DISC1: variants seen among roughly 807,000 people sequenced by gnomAD.
The protein encoded by DISC1 is disrupted in schizophrenia 1 protein.
A neutral mutation model predicts 84.5 loss-of-function variants in DISC1; 57 were observed. That is an observed-to-expected ratio of 0.67 (90% CI 0.55 to 0.84). The LOEUF (loss-of-function observed/expected upper bound fraction) is 0.84. Ranked by LOEUF, DISC1 falls within the 40% of genes least tolerant of loss-of-function variation. DISC1 has a pLI of 0.00. For synonymous variants in DISC1, 411 were observed against 415.2 expected (o/e 0.99, Z 0.12); for missense variants, 1,000 against 1,057.8 (o/e 0.95, Z 0.76).
chr1:231,811,679 GA>G (rs1215578139), intron 8 of DISC1, among the ~76,000 whole-genome samples: 1 of 152,196 alleles, frequency 6.6e-6, no homozygotes, highest in Non-Finnish European at 1.5e-5. Flanking sequence ...TTGGGCAGGT[GA>G]AAGGGACCAT....
chr1:232,033,121 C>T (rs9729194), intron 12 of DISC1, among the ~76,000 whole-genome samples: 35,683 of 152,024 alleles, frequency 0.23, 4,412 homozygotes, highest in African/African-American at 0.28. Flanking sequence ...ATCCAATTCC[C>T]TCCCTCCTCT....
chr1:231,756,154 C>T (rs888969456), intron 4 of DISC1, among the ~76,000 whole-genome samples: 1 of 152,202 alleles, frequency 6.6e-6, no homozygotes, highest in African/African-American at 2.4e-5. Flanking sequence ...TTTCTAGATT[C>T]TATGATCTTG....
chr1:231,724,461 A>G (rs1002401112), intron 3 of DISC1, among the ~76,000 whole-genome samples: 1 of 152,146 alleles, frequency 6.6e-6, no homozygotes, highest in Non-Finnish European at 1.5e-5. Context: ...CCCAAACTTC[A>G]AGGTGATTGT....
intron 1 of DISC1, among the ~76,000 whole-genome samples, chr1:231,662,910 G>GT (rs1264342743): frequency 6.6e-6 from 1 of 152,054 alleles, no homozygotes; most frequent in South Asian, 2.1e-4. Flanking sequence ...CAAAAATACT[G>GT]TAAGATATAA....
At chr1:231,705,035 C>G (rs373389678) in intron 3 of DISC1, among the ~76,000 whole-genome samples, 50 of 151,460 alleles carry the variant, frequency 3.3e-4, no homozygotes, top group African/African-American at 1.1e-3. Context: ...ATAATATGTC[C>G]CTTAAAATAC....
In DISC1 at chr1:231,693,923, G is replaced by T; in HGVS notation, c.165G>T (p.Gly55=). The T allele has an allele frequency of 1.9e-6, 3 of 1,614,204 alleles. No homozygotes were observed. Among genetic ancestry groups the T allele is most frequent in the Non-Finnish European group, 2.5e-6 (3 of 1,180,026 alleles). ...YMRSSTGPGI[G]FLSPAVGTLF... ...GAAGCTCGACAGGGCCTGGGATCGG[G>T]TTCCTTTCCCCAGCAGTGGGCACAC... Residue 55 remains glycine, a synonymous_variant, in exon 2 of 13, where the codon GGG becomes GGT. Coordinates refer to ENST00000439617, the MANE Select transcript of DISC1 (RefSeq NM_018662.3).
intron 10 of DISC1, among the ~76,000 whole-genome samples, chr1:231,961,409 A>C (rs991192819): frequency 3.9e-5 from 6 of 152,018 alleles, no homozygotes; most frequent in Non-Finnish European, 8.8e-5. Flanking sequence ...TTTTAGATTC[A>C]GGGGGTATAT....
intron 9 of DISC1, among the ~76,000 whole-genome samples, chr1:231,941,810 C>T (rs760922941): frequency 6.6e-6 from 1 of 152,034 alleles, no homozygotes; most frequent in African/African-American, 2.4e-5. Context: ...AAATAAAAAA[C>T]AAAAAATATA....
In DISC1 at chr1:231,897,651, C is replaced by T. The variant is rs2087811159; in HGVS notation, c.1982-61177C>T. On this transcript the variant is annotated intron_variant, in intron 9 of 12. Coordinates refer to ENST00000439617, the MANE Select transcript of DISC1 (RefSeq NM_018662.3). The surrounding 1 kb of genome is among the most constrained non-coding windows in gnomAD (Gnocchi z 4.5). ...GTCAGTGCTCTGACACAAAGTTTCC[C>T]ATCTGATTTTGAGCTGGTCACCGTG... 5.9e-5 allele frequency among the ~76,000 whole-genome samples: 9 copies of T among 152,240 alleles called. No homozygotes were observed. In the South Asian group the frequency reaches 1.9e-3, roughly 32 times the overall value.
chr1:231,825,248 C>T (rs2081780319), intron 9 of DISC1, among the ~76,000 whole-genome samples: 1 of 152,132 alleles, frequency 6.6e-6, no homozygotes, highest in African/African-American at 2.4e-5. Flanking sequence ...GGTGGAAATA[C>T]AATGATGTTT....
rs761627224 is a variant in DISC1 at position 231,694,273 on chromosome 1, G to A, written c.515G>A (p.Arg172Gln). The stretch of plus-strand genomic sequence containing the variant: ...TGCAGCGATGGAGCAAGGCGTGTCC[G>A]GGCAGCAGGCTCTCTGCCATCAGCA... ...AACSDGARRVRAAGSLPSAEL... is the reference protein window; with the variant it reads ...AACSDGARRVQAAGSLPSAEL... Residue 172 changes from arginine to glutamine, a missense_variant, in exon 2 of 13, where the codon CGG becomes CAG. Around this residue, in one of 3 missense-constraint regions of DISC1, gnomAD observed 292 missense variants for 280.2 expected, o/e 1.04. Coordinates refer to ENST00000439617, the MANE Select transcript of DISC1 (RefSeq NM_018662.3). The A allele has an allele frequency of 3.1e-5, 50 of 1,614,116 alleles. No homozygotes were observed. Among genetic ancestry groups the A allele is most frequent in the African/African-American group, 6.7e-5 (5 of 74,944 alleles).
chr1:231,645,861 C>T (rs892659438), intron 1 of DISC1, among the ~76,000 whole-genome samples: 4 of 150,484 alleles, frequency 2.7e-5, no homozygotes, highest in Admixed American at 6.6e-5. Flanking sequence ...TTTATGGCTG[C>T]GTAGTATTCC....
At chr1:231,863,217 G>GTTTTTTT (rs2084798953) in intron 9 of DISC1, among the ~76,000 whole-genome samples, 1 of 64,604 alleles carries the variant, frequency 1.5e-5, no homozygotes, top group African/African-American at 5.7e-5. Context: ...TTTATAAAAT[G>GTTTTTTT]TTCTTTTTTT....
chr1:231,707,848 G>A (rs2124975669), intron 3 of DISC1, among the ~76,000 whole-genome samples: 1 of 152,030 alleles, frequency 6.6e-6, no homozygotes, highest in East Asian at 1.9e-4. Flanking sequence ...AATTCCTAAA[G>A]TCTAAATCCC....
intron 9 of DISC1, among the ~76,000 whole-genome samples, chr1:231,861,282 T>C (rs2084625769): frequency 6.6e-6 from 1 of 150,786 alleles, no homozygotes; most frequent in African/African-American, 2.5e-5. Flanking sequence ...TTTCTGTCAT[T>C]GTTTTTATTA....
chr1:231,919,604 C>T lies in DISC1; in HGVS notation c.1982-39224C>T, dbSNP rs1306844906. Among the ~76,000 whole-genome samples, 5 of 152,088 alleles carry T rather than the reference C, an allele frequency of 3.3e-5. No individual in the cohort carries two copies. The East Asian group carries it at 7.7e-4, about 23-fold the overall frequency. ...TATTTTTGTGGCTATAGTGCCTCAC[C>T]GAGTATACTGAGGCTGAGACTGGAC... On this transcript the variant is annotated intron_variant, in intron 9 of 12. Coordinates refer to ENST00000439617, the MANE Select transcript of DISC1 (RefSeq NM_018662.3).
rs1670033544 is a variant in DISC1, at chr1:232,031,381, AGG to A, written c.2425+4831_2425+4832del. 6.6e-6 allele frequency among the ~76,000 whole-genome samples: 1 copy of A among 150,468 alleles called. No individual in the cohort carries two copies. Reference sequence around the variant, plus strand: ...AAAGGGAAGGGAGAGGGAAAGGAGAAGGGAAAGGAAGAGAAGGGAAGAAGGGA... The same window carrying A: ...AAAGGGAAGGGAGAGGGAAAGGAGAAGAAAGGAAGAGAAGGGAAGAAGGGA... On this transcript the variant is annotated intron_variant, in intron 12 of 12. Transcript: ENST00000439617. This position sits in a 1 kb window ranked among gnomAD's most constrained non-coding sequence, Gnocchi z 4.6.
chr1:231,668,075 C>T (rs1572676415), intron 1 of DISC1, among the ~76,000 whole-genome samples: 1 of 151,496 alleles, frequency 6.6e-6, no homozygotes, highest in East Asian at 1.9e-4. Context: ...AAAAGCTGTG[C>T]ATACTTAATA....
At chr1:231,914,937 G>C (rs750375256) in intron 9 of DISC1, among the ~76,000 whole-genome samples, 1 of 152,208 alleles carries the variant, frequency 6.6e-6, no homozygotes, top group Non-Finnish European at 1.5e-5. Flanking sequence ...CTTGGCTGCA[G>C]AAGAGGGCTA....
Sources: gnomAD v4.1 joint callset for allele counts (sites outside exome capture counted in the v4.1 genomes callset) on GRCh38, gnomAD v4.1.1 for gene constraint, gnomAD v4.1.1 regional missense constraint, Gnocchi (gnomAD v3.1) non-coding constraint, MANE v1.5 for transcripts, NCBI Gene and HGNC (gene_info 2026-07-23, HGNC 2026-07-21) for gene names.